FNIP2: variants seen among roughly 807,000 people sequenced by gnomAD.
FNIP2 encodes the protein folliculin interacting protein 2, also known as folliculin-interacting protein 2.
FNIP2 carries 32 observed loss-of-function variants against 108.7 expected under a neutral mutation model. That is an observed-to-expected ratio of 0.29 (90% confidence interval 0.22 to 0.40). The LOEUF (loss-of-function observed/expected upper bound fraction) is 0.40, where lower values mean the gene tolerates loss of function less well. Among genes scored for constraint, FNIP2 ranks in the 10% least tolerant of loss-of-function variants. The pLI is 1.00. For missense variants in FNIP2, 1,202 were observed against 1,381.6 expected (o/e 0.87, Z 2.06); for synonymous variants, 480 against 496.7 (o/e 0.97, Z 0.45).
intron 14 of FNIP2, chr4:158,871,556 A>C: frequency 2.0e-6 from 2 of 985,362 alleles, no homozygotes; most frequent in Non-Finnish European, 2.4e-6. Flanking sequence ...AGCAGATGTC[A>C]ACATAACCTC....
chr4:158,896,211 G>T (rs897418296), intron 16 of FNIP2, among the ~76,000 whole-genome samples: 3 of 152,194 alleles, frequency 2.0e-5, no homozygotes, highest in African/African-American at 7.2e-5. Flanking sequence ...ACATGCAGCA[G>T]CAGCTTGTGT....
intron 14 of FNIP2, chr4:158,872,418 T>A: frequency 1.0e-6 from 1 of 985,474 alleles, no homozygotes; most frequent in Non-Finnish European, 1.2e-6. Flanking sequence ...TATTTCATTT[T>A]CCCTTCCTTT....
chr4:158,782,298 T>A (rs979985299), intron 1 of FNIP2, among the ~76,000 whole-genome samples: 4 of 152,230 alleles, frequency 2.6e-5, no homozygotes, highest in Admixed American at 2.6e-4. Context: ...ATATATGATA[T>A]CAGCAAGTAA....
At chr4:158,881,394 T>C (rs373445021) in intron 14 of FNIP2, among the ~76,000 whole-genome samples, 74 of 23,752 alleles carry the variant, frequency 3.1e-3, no homozygotes, top group East Asian at 0.017. Flanking sequence ...TCTCCCTCTC[T>C]CTCTCTTTCC....
At chr4:158,806,143 G>A in intron 1 of FNIP2, 2 of 1,218,874 alleles carry the variant, frequency 1.6e-6, no homozygotes, top group South Asian at 2.9e-5. Flanking sequence ...TAGAACTGCT[G>A]GTCATTACAG....
At chr4:158,888,271 T>C (rs1782121136) in intron 14 of FNIP2, among the ~76,000 whole-genome samples, 2 of 152,204 alleles carry the variant, frequency 1.3e-5, no homozygotes, top group African/African-American at 4.8e-5. Context: ...TATGTAATTC[T>C]TGGAGTTTTT....
At chr4:158,778,070 A>G (rs143629212) in intron 1 of FNIP2, among the ~76,000 whole-genome samples, 22 of 152,332 alleles carry the variant, frequency 1.4e-4, no homozygotes, top group African/African-American at 5.1e-4. Context: ...GAATAAATTC[A>G]TGTATAACAC....
chr4:158,902,665 T>G (rs1729436480), intron 16 of FNIP2, among the ~76,000 whole-genome samples: 1 of 152,230 alleles, frequency 6.6e-6, no homozygotes, highest in Non-Finnish European at 1.5e-5. Flanking sequence ...GCTGCCTTTT[T>G]TTCAGAGATG....
In FNIP2 at chr4:158,811,526, C is replaced by G. The variant is rs141960550; in HGVS notation, c.108-14390C>G. Reference sequence around the variant, plus strand: ...TGTCTTTGGGCACATCATTTCATCTCTCTGTTTTTGTTTTTTAAATAATAT... The same window carrying G: ...TGTCTTTGGGCACATCATTTCATCTGTCTGTTTTTGTTTTTTAAATAATAT... On this transcript the variant is annotated intron_variant, in intron 1 of 16. Transcript: ENST00000264433. 3.3e-5 allele frequency among the ~76,000 whole-genome samples: 5 copies of G among 151,096 alleles called. No individual in the cohort carries two copies. In the East Asian group the frequency reaches 9.7e-4, roughly 29 times the overall value.
intron 1 of FNIP2, among the ~76,000 whole-genome samples, chr4:158,811,549 T>TAATA (rs55896509): frequency 0.3 from 45,437 of 151,112 alleles, 7,512 homozygotes; most frequent in Non-Finnish European, 0.38. Flanking sequence ...TTTTAAATAA[T>TAATA]ATTAATTAAT....
At chr4:158,889,098 A>G (rs1237197621) in intron 14 of FNIP2, among the ~76,000 whole-genome samples, 1 of 152,098 alleles carries the variant, frequency 6.6e-6, no homozygotes, top group Non-Finnish European at 1.5e-5. Context: ...AGGCTGAGGC[A>G]GGAGGATCAC....
Position 158,890,241 on chromosome 4 carries a change from T to C in FNIP2, c.2950-1205T>C, listed in dbSNP as rs534551428. On this transcript the variant is annotated intron_variant, in intron 14 of 16. Transcript: ENST00000264433. ...CTTTCAATGGGAAAAATATAAATCC[T>C]GATAATAGGGTTTATATCTTTTTAA... 7.1e-6 allele frequency: 7 copies of C among 985,164 alleles called. No homozygotes were observed. The African/African-American group carries it at 1.2e-4, about 17-fold the overall frequency. 61.0% of individuals were successfully genotyped at this position (985,164 alleles called of 1,614,324 possible).
intron 7 of FNIP2, among the ~76,000 whole-genome samples, chr4:158,848,654 GAGACAGAGATATGTGACCTTTC>G (rs1358913951): frequency 1.3e-5 from 2 of 152,324 alleles, no homozygotes; most frequent in African/African-American, 4.8e-5. Context: ...CAGTCCTGGA[GAGACAGAGATATGTGACCTTTC>G]AGACAGAGAA....
chr4:158,862,125 C>T (rs147569790), intron 12 of FNIP2, among the ~76,000 whole-genome samples: 23 of 152,244 alleles, frequency 1.5e-4, no homozygotes, highest in African/African-American at 4.1e-4. Context: ...AGCTCTCTTA[C>T]GCATTAATGG....
rs1393977398 is a variant in FNIP2, at chr4:158,905,887, GCT to G, written c.*1346_*1347del. 4 of 152,084 alleles carry G rather than the reference GCT, an allele frequency of 2.6e-5. No homozygotes were observed. Among genetic ancestry groups the G allele is most frequent in the African/African-American group, 9.7e-5 (4 of 41,382 alleles). The allele number at this position is 152,084 out of a possible 1,614,324, so 9.4% of individuals were successfully genotyped here. On this transcript the variant is annotated 3_prime_UTR_variant, in exon 17 of 17. Transcript: ENST00000264433. Reference sequence around the variant, plus strand: ...TTGCAGATCTCAAGCAGTTAACCAGGCTCTGATTCCCTTCCACTGTTTTATGA... The same window carrying G: ...TTGCAGATCTCAAGCAGTTAACCAGGCTGATTCCCTTCCACTGTTTTATGA...
At chr4:158,786,793 A>G (rs1226198360) in intron 1 of FNIP2, among the ~76,000 whole-genome samples, 2 of 152,106 alleles carry the variant, frequency 1.3e-5, no homozygotes, top group Non-Finnish European at 2.9e-5. Flanking sequence ...AGTCAAAGGC[A>G]TTGCAATTTT....
rs1261633039 is a variant in FNIP2, at chr4:158,859,238, C to A, written c.1039C>A (p.Leu347Met). 2 of 1,609,034 alleles carry A rather than the reference C, an allele frequency of 1.2e-6. No homozygotes were observed. The highest frequency in any genetic ancestry group is 1.7e-6 in the Non-Finnish European group (2 of 1,177,110). The change falls in exon 9 of 17, where the codon CTG (leucine) becomes ATG (methionine). Residue 347 changes from leucine (L) to methionine (M), a missense_variant. Transcript: ENST00000264433. ...CCTGTTTGAATCTCACATGAACAGG[C>A]TGAAGAGTGCAATTGAAAAGGTAAT... ...FPLFESHMNR[L>M]KSAIEKAMIS... is the part of the protein sequence containing the mutation.
chr4:158,864,778 C>T (rs1257186984), intron 12 of FNIP2, among the ~76,000 whole-genome samples: 1 of 151,988 alleles, frequency 6.6e-6, no homozygotes, highest in Non-Finnish European at 1.5e-5. Flanking sequence ...TTTTTCTCTA[C>T]ATGTTTTACC....
intron 8 of FNIP2, among the ~76,000 whole-genome samples, chr4:158,857,582 T>G (rs1157556306): frequency 6.6e-6 from 1 of 152,194 alleles, no homozygotes; most frequent in Non-Finnish European, 1.5e-5. Context: ...CTCCAGGATC[T>G]TGCTTGAAGT....
Sources: allele counts gnomAD v4.1 joint callset (sites outside exome capture counted in the v4.1 genomes callset), GRCh38; gene constraint gnomAD v4.1.1; transcripts MANE v1.5; gene names NCBI Gene and HGNC (gene_info 2026-07-23, HGNC 2026-07-21).